Variants in CACNA1C observed in about 807,000 individuals in gnomAD.
CACNA1C encodes voltage-dependent L-type calcium channel subunit alpha-1C.
Under a neutral mutation model 229.0 loss-of-function variants are expected in CACNA1C, and 30 were observed. The observed-to-expected ratio is 0.13, with a 90% confidence interval of 0.10 to 0.18. The LOEUF is 0.18. Among genes scored for constraint, CACNA1C ranks in the 10% least tolerant of loss-of-function variants. CACNA1C has a pLI of 1.00. For missense variants in CACNA1C, 1,658 were observed against 2,845.0 expected (o/e 0.58, Z 9.49); for synonymous variants, 1,114 against 1,132.5 (o/e 0.98, Z 0.33).
At chr12:2,439,076 G>A (rs952806342) in intron 3 of CACNA1C, among the ~76,000 whole-genome samples, 2 of 152,178 alleles carry the variant, frequency 1.3e-5, no homozygotes, top group African/African-American at 4.8e-5. Context: ...TGAGCACAGT[G>A]AGCTCCTTGG....
intron 1 of CACNA1C, chr12:2,011,151 C>CAAAAAAA (rs59227490): frequency 9.9e-6 from 1 of 100,664 alleles, no homozygotes; most frequent in African/African-American, 3.9e-5. Context: ...AACTGAGTCT[C>CAAAAAAA]AAAAAAAAAA....
At chr12:2,070,882 C>CCCTT (rs199613846) in intron 1 of CACNA1C, among the ~76,000 whole-genome samples, 2,130 of 144,786 alleles carry the variant, frequency 0.015, 57 homozygotes, top group African/African-American at 0.048. Context: ...TTCTTTCTTT[C>CCCTT]CCTTCCTTCC....
chr12:2,092,709 A>T (rs1358197433), intron 1 of CACNA1C, among the ~76,000 whole-genome samples: 2 of 152,176 alleles, frequency 1.3e-5, no homozygotes, highest in Non-Finnish European at 2.9e-5. Flanking sequence ...TTTAGTAAGC[A>T]TGCATTAGTA....
intron 3 of CACNA1C, among the ~76,000 whole-genome samples, chr12:2,229,597 G>GT (rs1555342775): frequency 6.6e-6 from 1 of 152,182 alleles, no homozygotes; most frequent in Non-Finnish European, 1.5e-5. Context: ...GGAATGGGGT[G>GT]TGAGTGGAGG....
At chr12:2,432,394 A>G (rs1178158457) in intron 3 of CACNA1C, among the ~76,000 whole-genome samples, 2 of 152,202 alleles carry the variant, frequency 1.3e-5, no homozygotes, top group African/African-American at 4.8e-5. Flanking sequence ...TGGGCTTTCA[A>G]TGCCTGGAGA....
At chr12:2,327,557 A>G (rs1380470024) in intron 3 of CACNA1C, among the ~76,000 whole-genome samples, 1 of 151,874 alleles carries the variant, frequency 6.6e-6, no homozygotes. Flanking sequence ...CGACCTCCAC[A>G]CTCCATCCAT....
intron 3 of CACNA1C, among the ~76,000 whole-genome samples, chr12:2,317,390 C>T (rs2095750345): frequency 6.6e-6 from 1 of 152,172 alleles, no homozygotes; most frequent in African/African-American, 2.4e-5. Flanking sequence ...AGAAATTAGC[C>T]AGTCACAAAA....
intron 3 of CACNA1C, among the ~76,000 whole-genome samples, chr12:2,330,106 T>C (rs186303355): frequency 6.6e-6 from 1 of 152,338 alleles, no homozygotes; most frequent in East Asian, 1.9e-4. Context: ...GGTGGACATA[T>C]GCTGAGAGAA....
At chr12:2,556,869 C>T (rs1458520393) in intron 10 of CACNA1C, 82 bp from the exon 11 acceptor site, 3 of 1,196,084 alleles carry the variant, frequency 2.5e-6, no homozygotes, top group Non-Finnish European at 3.8e-6. Flanking sequence ...TGGGGAACAT[C>T]AAATTTCCCT....
intron 20 of CACNA1C, 198 bp downstream of exon 20, chr12:2,596,201 C>T (rs908223320): frequency 8.2e-6 from 4 of 485,838 alleles, no homozygotes; most frequent in Middle Eastern, 6.0e-4. Flanking sequence ...AGAGCATGTA[C>T]CCAAATGCTC....
intron 3 of CACNA1C, among the ~76,000 whole-genome samples, chr12:2,418,914 G>T (rs545014439): frequency 3.3e-4 from 51 of 152,292 alleles, no homozygotes; most frequent in Admixed American, 8.5e-4. Context: ...GAGTCACAGA[G>T]CCCCTTATGG....
At chr12:2,001,887 G>A (rs2042273181) in intron 1 of CACNA1C, among the ~76,000 whole-genome samples, 1 of 152,156 alleles carries the variant, frequency 6.6e-6, no homozygotes. Context: ...TCCAGACACT[G>A]CCAAATGTCA....
At chr12:2,635,565 A>G (rs1339549631) in intron 30 of CACNA1C, among the ~76,000 whole-genome samples, 1 of 100,134 alleles carries the variant, frequency 1.0e-5, no homozygotes, top group Non-Finnish European at 1.9e-5. Flanking sequence ...TCTCCACTCC[A>G]TCTTTTGCTC....
At chr12:2,483,211 C>T (rs541922012) in intron 5 of CACNA1C, among the ~76,000 whole-genome samples, 1 of 152,224 alleles carries the variant, frequency 6.6e-6, no homozygotes, top group African/African-American at 2.4e-5. Flanking sequence ...GTGTATTGCT[C>T]AAGCCTAGGG....
chr12:2,274,584 C>T (rs1333412016), intron 3 of CACNA1C, among the ~76,000 whole-genome samples: 2 of 152,194 alleles, frequency 1.3e-5, no homozygotes, highest in South Asian at 2.1e-4. Flanking sequence ...CCGACGTGCA[C>T]GGTTTCTAAT....
rs780485055 is a variant in CACNA1C, at chr12:1,993,244, C to T, written c.139+22043C>T. On this transcript the variant is annotated intron_variant, in intron 1 of 46. Transcript: ENST00000682462. ...CAAACTTCAGAAGTAAAACAACCCA[C>T]TGTAGTAAGAAAGACTCACATCTGG... The T allele has an allele frequency of 1.1e-5, 18 of 1,614,058 alleles. 1 individual carries two copies. In the South Asian group the frequency reaches 1.8e-4, roughly 16 times the overall value.
At position 2,696,999 on chromosome 12, in the gene CACNA1C, A is replaced by C. The variant is rs534565893; in HGVS notation, c.*5800A>C. The C allele has an allele frequency of 6.6e-6, 1 of 152,468 alleles. No homozygotes were observed. The highest frequency in any genetic ancestry group is 2.1e-4 in the South Asian group (1 of 4,826). The allele number at this position is 152,468 out of a possible 1,614,324, so 9.4% of individuals were successfully genotyped here. A position where few individuals can be genotyped will look rare whatever the true frequency, so the allele number is the denominator to read the frequency against. Reference sequence around the variant, plus strand: ...CTTCCCAATATGGAGAAACTACACCAATGTTTAAAAGGGGAAAAGGAAAGA... The same window carrying C: ...CTTCCCAATATGGAGAAACTACACCCATGTTTAAAAGGGGAAAAGGAAAGA... On this transcript the variant is annotated 3_prime_UTR_variant, in exon 47 of 47. Coordinates refer to ENST00000399655, the MANE Select transcript of CACNA1C (RefSeq NM_000719.7).
chr12:2,159,659 C>T (rs1210008354), intron 3 of CACNA1C, among the ~76,000 whole-genome samples: 1 of 145,368 alleles, frequency 6.9e-6, no homozygotes, highest in Non-Finnish European at 1.5e-5. Flanking sequence ...GGCTGGAGTG[C>T]AACGGCATAA....
intron 1 of CACNA1C, among the ~76,000 whole-genome samples, chr12:2,030,420 A>G (rs1333489074): frequency 2.6e-5 from 4 of 151,622 alleles, no homozygotes; most frequent in Non-Finnish European, 5.9e-5. Flanking sequence ...CCTTACTCTC[A>G]TAAACCAAGA....
Sources: allele counts gnomAD v4.1 joint callset (sites outside exome capture counted in the v4.1 genomes callset), GRCh38; gene constraint gnomAD v4.1.1; transcripts MANE v1.5; gene names NCBI Gene and HGNC (gene_info 2026-07-23, HGNC 2026-07-21).